CHST15: variants seen among roughly 807,000 people sequenced by gnomAD.
CHST15 encodes carbohydrate sulfotransferase 15.
A neutral mutation model predicts 53.6 loss-of-function variants in CHST15; 30 were observed. The observed-to-expected ratio is 0.56, with a 90% CI of 0.42 to 0.76. The LOEUF (loss-of-function observed/expected upper bound fraction) is 0.76. CHST15 is among the 30% of genes least tolerant of loss of function. The pLI, the probability that CHST15 is intolerant of heterozygous loss-of-function variation, is 0.00. For synonymous variants in CHST15, 296 were observed against 289.8 expected, an observed-to-expected ratio of 1.02 and a Z score of -0.22; for missense variants, 627 against 740.5, an observed-to-expected ratio of 0.85 and a Z score of 1.78.
At chr10:124,077,069 TG>T (rs1283426648) in intron 1 of CHST15, among the ~76,000 whole-genome samples, 1 of 152,248 alleles carries the variant, frequency 6.6e-6, no homozygotes, top group Non-Finnish European at 1.5e-5. Context: ...ATTATATAGA[TG>T]GATCTGGAGA....
intron 5 of CHST15, among the ~76,000 whole-genome samples, chr10:124,025,063 T>C (rs1946944130): frequency 6.6e-6 from 1 of 152,220 alleles, no homozygotes; most frequent in South Asian, 2.1e-4. Context: ...TGGCTGAAGG[T>C]TTCCATACTG....
At chr10:124,083,581 C>T (rs1238958389) in intron 1 of CHST15, among the ~76,000 whole-genome samples, 1 of 152,160 alleles carries the variant, frequency 6.6e-6, no homozygotes, top group Non-Finnish European at 1.5e-5. Context: ...TGTACATCTC[C>T]TCATATCTAA....
intron 5 of CHST15, among the ~76,000 whole-genome samples, chr10:124,027,164 G>A (rs1947044525): frequency 6.6e-6 from 1 of 152,206 alleles, no homozygotes; most frequent in African/African-American, 2.4e-5. Flanking sequence ...GGTTATTTTA[G>A]AAGGCTGTCG....
chr10:124,029,260 G>A (rs1330022921), intron 5 of CHST15, among the ~76,000 whole-genome samples: 1 of 152,216 alleles, frequency 6.6e-6, no homozygotes, highest in Non-Finnish European at 1.5e-5. Flanking sequence ...CTCATCAGGA[G>A]GCTGGATGAG....
At chr10:124,053,897 C>G (rs1176511509) in intron 1 of CHST15, among the ~76,000 whole-genome samples, 1 of 151,982 alleles carries the variant, frequency 6.6e-6, no homozygotes, top group Admixed American at 6.5e-5. Context: ...CCAGCCTGTG[C>G]AACAGAGTGA....
intron 5 of CHST15, among the ~76,000 whole-genome samples, chr10:124,028,860 A>T: frequency 6.6e-6 from 1 of 151,878 alleles, no homozygotes; most frequent in East Asian, 1.9e-4. Context: ...GGGCTGGCTC[A>T]CCCCGGTGAC....
intron 1 of CHST15, among the ~76,000 whole-genome samples, chr10:124,077,164 C>T (rs1949102226): frequency 6.6e-6 from 1 of 152,156 alleles, no homozygotes; most frequent in Admixed American, 6.5e-5. Flanking sequence ...TATGTTAGAG[C>T]CAAAGAACAG....
chr10:124,010,839 G>T, intron 7 of CHST15: 1 of 985,446 alleles, frequency 1.0e-6, no homozygotes. Context: ...GCTGTGAAGT[G>T]GCCATAGGGA....
chr10:124,027,633 G>C (rs780354690), intron 5 of CHST15, among the ~76,000 whole-genome samples: 1 of 152,216 alleles, frequency 6.6e-6, no homozygotes, highest in Non-Finnish European at 1.5e-5. Flanking sequence ...TGGATGCTGG[G>C]GGGTAGGGAG....
Position 124,044,815 on chromosome 10 carries a change from G to C in CHST15, c.651C>G (p.Ser217=), listed in dbSNP as rs757282830. The C allele has an allele frequency of 1.3e-6, 2 of 1,590,454 alleles. No individual in the cohort carries two copies. The highest frequency in any genetic ancestry group is 1.7e-6 in the Non-Finnish European group (2 of 1,165,984). Residue 217 remains serine, a synonymous_variant, in exon 3 of 8, where the codon TCC becomes TCG. Coordinates refer to ENST00000435907, the MANE Select transcript of CHST15 (RefSeq NM_001270764.2). ...QNTTDPYLTN[S]YVLYSKRFRS... is the part of the protein sequence containing the mutation. ...GGAAGCGCTTGGAGTAGAGCACGTAGGAGTTGGTGAGGTAGGGGTCGGTGG... is the reference window on the plus strand; with the variant it reads ...GGAAGCGCTTGGAGTAGAGCACGTACGAGTTGGTGAGGTAGGGGTCGGTGG...
At chr10:124,012,205 A>C in intron 7 of CHST15, 128 bp downstream of exon 7, 1 of 1,037,208 alleles carries the variant, frequency 9.6e-7, no homozygotes, top group South Asian at 1.6e-5. Context: ...CCTGAAGGAC[A>C]TCCCCAGGCC....
rs937777205 is a variant in CHST15, at chr10:124,009,952, C to T, written c.*197G>A. ...TCTCCAATGGCCTCGGATAGAGGAGCTCTGTGAGGGGTCCATTGCTGAGCT... is the reference window on the plus strand; with the variant it reads ...TCTCCAATGGCCTCGGATAGAGGAGTTCTGTGAGGGGTCCATTGCTGAGCT... On this transcript the variant is annotated 3_prime_UTR_variant, in exon 8 of 8. Coordinates refer to ENST00000435907, the MANE Select transcript of CHST15 (RefSeq NM_001270764.2). 2.1e-6 allele frequency: 3 copies of T among 1,423,672 alleles called. No individual in the cohort carries two copies. Among genetic ancestry groups the T allele is most frequent in the Non-Finnish European group, 2.7e-6 (3 of 1,092,172 alleles). The allele number at this position is 1,423,672 out of a possible 1,614,324, so 88.2% of individuals were successfully genotyped here.
chr10:124,048,116 CTG>C (rs1351171193), intron 1 of CHST15, among the ~76,000 whole-genome samples: 1 of 152,202 alleles, frequency 6.6e-6, no homozygotes, highest in Non-Finnish European at 1.5e-5. Flanking sequence ...AACAGCCAAG[CTG>C]TGTTTCCCAA....
chr10:124,009,178 T>C lies in CHST15; in HGVS notation c.*971A>G, dbSNP rs1946344513. On this transcript the variant is annotated 3_prime_UTR_variant, in exon 8 of 8. Coordinates refer to ENST00000435907, the MANE Select transcript of CHST15 (RefSeq NM_001270764.2). Reference sequence around the variant, plus strand: ...AAATTAAAATCCTCTGTTTCTCTGATGATCTTGTAAACCTGATGAGGGCTT... The same window carrying C: ...AAATTAAAATCCTCTGTTTCTCTGACGATCTTGTAAACCTGATGAGGGCTT... 1.7e-6 allele frequency: 2 copies of C among 1,184,930 alleles called. No individual in the cohort carries two copies. The highest frequency in any genetic ancestry group is 2.1e-6 in the Non-Finnish European group (2 of 931,862). The allele number at this position is 1,184,930 out of a possible 1,614,324, so 73.4% of individuals were successfully genotyped here. A position where few individuals can be genotyped will look rare whatever the true frequency, so the allele number is the denominator to read the frequency against.
intron 1 of CHST15, among the ~76,000 whole-genome samples, chr10:124,088,020 T>C (rs1055740554): frequency 5.3e-5 from 8 of 152,216 alleles, no homozygotes; most frequent in African/African-American, 1.9e-4. Flanking sequence ...CTCCTGCCTA[T>C]ATCCTTTGAG....
At chr10:124,052,172 G>A (rs1429602674) in intron 1 of CHST15, among the ~76,000 whole-genome samples, 1 of 152,088 alleles carries the variant, frequency 6.6e-6, no homozygotes, top group Non-Finnish European at 1.5e-5. Context: ...TTCCTCTCTA[G>A]GCTATATATA....
intron 1 of CHST15, among the ~76,000 whole-genome samples, chr10:124,068,789 CAG>C (rs926535697): frequency 1.3e-5 from 2 of 152,044 alleles, no homozygotes; most frequent in African/African-American, 2.4e-5. Flanking sequence ...GTCAGAAAGA[CAG>C]AGGAAAATAG....
intron 1 of CHST15, among the ~76,000 whole-genome samples, chr10:124,059,293 A>G (rs1279569450): frequency 6.6e-6 from 1 of 152,122 alleles, no homozygotes; most frequent in South Asian, 2.1e-4. Context: ...ATCAAACCTC[A>G]ATTACCAGGA....
At chr10:124,023,700 G>T (rs879516931) in intron 5 of CHST15, among the ~76,000 whole-genome samples, 1 of 152,046 alleles carries the variant, frequency 6.6e-6, no homozygotes, top group Admixed American at 6.6e-5. Flanking sequence ...GCTCCACAGG[G>T]TCACACTTCT....
Sources: gnomAD v4.1 joint callset for allele counts (sites outside exome capture counted in the v4.1 genomes callset) on GRCh38, gnomAD v4.1.1 for gene constraint, MANE v1.5 for transcripts, NCBI Gene and HGNC (gene_info 2026-07-23, HGNC 2026-07-21) for gene names.